The following TPD52L1 variants were observed in gnomAD, a reference collection of about 807,000 sequenced individuals.
TPD52L1 encodes TPD52 like 1.
TPD52L1 carries 18 observed loss-of-function variants against 28.7 expected under a neutral mutation model. The observed-to-expected ratio is 0.63, with a 90% CI of 0.43 to 0.93. The LOEUF is 0.93. TPD52L1 is among the 40% of genes least tolerant of loss of function. The pLI, the probability that TPD52L1 is intolerant of heterozygous loss-of-function variation, is 0.00. For missense variants in TPD52L1, 203 were observed against 254.8 expected (o/e 0.80, Z 1.39); for synonymous variants, 75 against 88.8 (o/e 0.84, Z 0.88).
intron 1 of TPD52L1, among the ~76,000 whole-genome samples, chr6:125,216,706 A>G (rs1438154050): frequency 2.6e-5 from 4 of 151,902 alleles, no homozygotes; most frequent in Non-Finnish European, 5.9e-5. Context: ...ATGATCAGAT[A>G]TTACTTATGA....
At chr6:125,219,872 A>AT (rs1230052063) in intron 1 of TPD52L1, 16 of 589,584 alleles carry the variant, frequency 2.7e-5, no homozygotes, top group South Asian at 2.3e-4. Flanking sequence ...TTTTCTCTTA[A>AT]TTTTTTTCTT....
At chr6:125,172,149 TTTCTTTCTTTTCTTTCTTTCTTTC>T (rs1322918878) in intron 1 of TPD52L1, among the ~76,000 whole-genome samples, 56 of 69,316 alleles carry the variant, frequency 8.1e-4, no homozygotes, top group Admixed American at 3.3e-3. Flanking sequence ...TCTTTCTTTC[TTTCTTTCTTTTCTTTCTTTCTTTC>T]TTTCTTTCTT....
At chr6:125,154,924 A>C (rs556596215) in intron 1 of TPD52L1, among the ~76,000 whole-genome samples, 3 of 149,688 alleles carry the variant, frequency 2.0e-5, no homozygotes, top group African/African-American at 7.6e-5. Context: ...TATAGATAAA[A>C]TCTCATTAAA....
chr6:125,177,266 G>C (rs1048490371), intron 1 of TPD52L1, among the ~76,000 whole-genome samples: 4 of 152,002 alleles, frequency 2.6e-5, no homozygotes, highest in African/African-American at 9.7e-5. Flanking sequence ...TTGCTCAGCT[G>C]GTTTTGTCCA....
At chr6:125,191,946 A>AG (rs2114861167) in intron 1 of TPD52L1, among the ~76,000 whole-genome samples, 1 of 152,384 alleles carries the variant, frequency 6.6e-6, no homozygotes, top group East Asian at 1.9e-4. Context: ...GAATCTAAGT[A>AG]GAATCAAAAG....
chr6:125,248,954 A>G (rs1562378518), intron 4 of TPD52L1, among the ~76,000 whole-genome samples: 1 of 152,116 alleles, frequency 6.6e-6, no homozygotes, highest in Non-Finnish European at 1.5e-5. Flanking sequence ...GCGTAGCTAT[A>G]GCAATGCTTT....
intron 5 of TPD52L1, 159 bp downstream of exon 5, chr6:125,253,914 G>C (rs376192453): frequency 2.9e-5 from 24 of 813,594 alleles, no homozygotes; most frequent in African/African-American, 5.0e-5. Flanking sequence ...GAATTGCGTA[G>C]CTTGGGCTTT....
intron 2 of TPD52L1, among the ~76,000 whole-genome samples, chr6:125,227,251 C>T (rs906836445): frequency 2.0e-5 from 3 of 152,194 alleles, no homozygotes; most frequent in African/African-American, 7.2e-5. Flanking sequence ...AGTATTTCTG[C>T]TTGTTTTGCT....
At chr6:125,253,897 T>C (rs749612805) in intron 5 of TPD52L1, 142 bp downstream of exon 5, 4 of 861,570 alleles carry the variant, frequency 4.6e-6, no homozygotes, top group Non-Finnish European at 7.9e-6. Flanking sequence ...CTGACAATTC[T>C]GTGGAAGAAT....
At position 125,227,919 on chromosome 6, in the gene TPD52L1, G is replaced by T. The variant is rs144966954; in HGVS notation, c.136-1199G>T. Among the ~76,000 whole-genome samples the T allele has an allele frequency of 2.4e-4, 36 of 152,260 alleles. No individual in the cohort carries two copies. In the South Asian group the frequency reaches 6.4e-3, roughly 27 times the overall value. On this transcript the variant is annotated intron_variant, in intron 2 of 6. Transcript: ENST00000534000. ...AGGAAATATGTCCATACGAAGCCTT[G>T]TACATGAATGTTCATAGCAGCTTTA...
intron 1 of TPD52L1, among the ~76,000 whole-genome samples, chr6:125,172,098 CCCTTTCTTTCTTTCTTTCTT>C (rs1791359791): frequency 1.8e-4 from 14 of 77,440 alleles, no homozygotes; most frequent in African/African-American, 1.2e-3. Flanking sequence ...TTCTTTCTTT[CCCTTTCTTTCTTTCTTTCTT>C]TCTTTCTTTC....
At chr6:125,196,798 T>C (rs1200062801) in intron 1 of TPD52L1, among the ~76,000 whole-genome samples, 2 of 152,210 alleles carry the variant, frequency 1.3e-5, no homozygotes, top group Non-Finnish European at 2.9e-5. Context: ...GTCACCCTTA[T>C]TTATACATGA....
At chr6:125,203,070 C>T (rs1793893405) in intron 1 of TPD52L1, among the ~76,000 whole-genome samples, 1 of 152,116 alleles carries the variant, frequency 6.6e-6, no homozygotes, top group African/African-American at 2.4e-5. Flanking sequence ...TTCCCAGTTC[C>T]ATGAAATGTG....
intron 1 of TPD52L1, chr6:125,154,499 G>T (rs557339): frequency 0.44 from 438,023 of 985,084 alleles, 100,490 homozygotes; most frequent in African/African-American, 0.73. Flanking sequence ...CCAGGTGAAC[G>T]TTACCGGCCC....
intron 3 of TPD52L1, among the ~76,000 whole-genome samples, chr6:125,232,012 A>G (rs1795981452): frequency 6.6e-6 from 1 of 152,202 alleles, no homozygotes. Flanking sequence ...GAGAGGCACA[A>G]TAATTCGTTT....
At chr6:125,155,528 A>T (rs2114720011) in intron 1 of TPD52L1, among the ~76,000 whole-genome samples, 1 of 152,352 alleles carries the variant, frequency 6.6e-6, no homozygotes, top group African/African-American at 2.4e-5. Context: ...TTACTTAACA[A>T]ATATTTCAGT....
chr6:125,184,235 AT>A (rs1792428483), intron 1 of TPD52L1, among the ~76,000 whole-genome samples: 1 of 152,216 alleles, frequency 6.6e-6, no homozygotes, highest in African/African-American at 2.4e-5. Context: ...AGGCACTGCC[AT>A]CAGGACCTGC....
chr6:125,198,835 C>G (rs2114889004), intron 1 of TPD52L1, among the ~76,000 whole-genome samples: 1 of 152,260 alleles, frequency 6.6e-6, no homozygotes, highest in South Asian at 2.1e-4. Flanking sequence ...CTACTCGTAT[C>G]TAGTTGGCAG....
chr6:125,160,850 C>CT (rs57061570), intron 1 of TPD52L1, among the ~76,000 whole-genome samples: 8,263 of 129,368 alleles, frequency 0.064, 422 homozygotes, highest in African/African-American at 0.11. Flanking sequence ...ACAGAGATGA[C>CT]TTTTTTTTTT....
Sources: gnomAD v4.1 joint callset for allele counts (sites outside exome capture counted in the v4.1 genomes callset) on GRCh38, gnomAD v4.1.1 for gene constraint, MANE v1.5 for transcripts, NCBI Gene and HGNC (gene_info 2026-07-23, HGNC 2026-07-21) for gene names.